Variants in DOCK3 observed in about 807,000 individuals in gnomAD.
The protein encoded by DOCK3 is dedicator of cytokinesis 3.
DOCK3 carries 60 observed loss-of-function variants against 265.6 expected under a neutral mutation model. The observed-to-expected ratio is 0.23, with a 90% CI of 0.18 to 0.28. DOCK3 has a LOEUF of 0.28. DOCK3 is among the 10% of genes least tolerant of loss of function. DOCK3 has a pLI of 1.00. For missense variants in DOCK3, 1,981 were observed against 2,594.3 expected, an observed-to-expected ratio of 0.76 and a Z score of 5.14; for synonymous variants, 881 against 938.0, an observed-to-expected ratio of 0.94 and a Z score of 1.11.
intron 2 of DOCK3, among the ~76,000 whole-genome samples, chr3:50,827,801 G>A (rs2044857011): frequency 6.6e-6 from 1 of 151,928 alleles, no homozygotes; most frequent in Non-Finnish European, 1.5e-5. Context: ...TTTTCTTTTT[G>A]TTCCTTAGTT....
At chr3:51,165,033 G>T (rs532464669) in intron 12 of DOCK3, among the ~76,000 whole-genome samples, 1 of 141,558 alleles carries the variant, frequency 7.1e-6, no homozygotes, top group South Asian at 2.4e-4. Flanking sequence ...CCGCCTCCCA[G>T]ATTCAAGCCA....
chr3:50,889,069 G>C (rs1183828692), intron 3 of DOCK3, among the ~76,000 whole-genome samples: 1 of 37,904 alleles, frequency 2.6e-5, no homozygotes, highest in East Asian at 4.0e-4. Flanking sequence ...AGCCATGGGT[G>C]TGTGTGTGTG....
At chr3:50,752,381 C>T (rs555920838) in intron 1 of DOCK3, among the ~76,000 whole-genome samples, 1 of 152,000 alleles carries the variant, frequency 6.6e-6, no homozygotes, top group African/African-American at 2.4e-5. Flanking sequence ...TGGTGGTGTG[C>T]ACCTGTAGTC....
chr3:50,982,705 C>T (rs2077737787), intron 5 of DOCK3, among the ~76,000 whole-genome samples: 1 of 152,192 alleles, frequency 6.6e-6, no homozygotes, highest in Non-Finnish European at 1.5e-5. Context: ...TCCACCAGAG[C>T]CCACTGCCCT....
At position 51,230,495 on chromosome 3, in the gene DOCK3, A is replaced by G. The variant is rs549324374; in HGVS notation, c.1917+886A>G. 9.8e-4 allele frequency among the ~76,000 whole-genome samples: 149 copies of G among 151,768 alleles called. 4 individuals are homozygous for G. The South Asian group carries it at 0.03, about 30-fold the overall frequency. On this transcript the variant is annotated intron_variant, in intron 19 of 52. Coordinates refer to ENST00000266037, the MANE Select transcript of DOCK3 (RefSeq NM_004947.5). ...GTATTCCATGGTGTACATGTACCAC[A>G]TTGTCTTTTTGTTGTTGTTGTTGTT... is the stretch of plus-strand genomic sequence containing the variant.
chr3:51,368,292 T>A (rs975821561), intron 49 of DOCK3, among the ~76,000 whole-genome samples: 1 of 151,796 alleles, frequency 6.6e-6, no homozygotes, highest in African/African-American at 2.4e-5. Flanking sequence ...GGTCGGGGAG[T>A]TACCTTTCCT....
intron 27 of DOCK3, among the ~76,000 whole-genome samples, chr3:51,306,281 G>T (rs1331815157): frequency 6.6e-6 from 1 of 152,080 alleles, no homozygotes; most frequent in Non-Finnish European, 1.5e-5. Flanking sequence ...TATATCTGAT[G>T]ATGTCACCTT....
intron 39 of DOCK3, among the ~76,000 whole-genome samples, chr3:51,349,594 G>A (rs1032304326): frequency 6.6e-6 from 1 of 152,170 alleles, no homozygotes; most frequent in Non-Finnish European, 1.5e-5. Flanking sequence ...TGGCAGGCTG[G>A]CTTGATTGAA....
chr3:51,028,006 G>C (rs1262357883), intron 5 of DOCK3, among the ~76,000 whole-genome samples: 1 of 152,092 alleles, frequency 6.6e-6, no homozygotes, highest in African/African-American at 2.4e-5. Flanking sequence ...TTGTAGGCTG[G>C]AATGGTAGTT....
intron 6 of DOCK3, among the ~76,000 whole-genome samples, chr3:51,068,607 G>T (rs1293558275): frequency 6.7e-6 from 1 of 148,460 alleles, no homozygotes; most frequent in African/African-American, 2.5e-5. Flanking sequence ...CAAGAGCTCT[G>T]TTTACCCATT....
At chr3:50,732,275 G>A (rs1282960755) in intron 1 of DOCK3, among the ~76,000 whole-genome samples, 6 of 152,134 alleles carry the variant, frequency 3.9e-5, no homozygotes, top group Non-Finnish European at 8.8e-5. Flanking sequence ...GCTGGGGCAG[G>A]GAGAGTATTA....
intron 3 of DOCK3, among the ~76,000 whole-genome samples, chr3:50,853,862 A>ATTT (rs138498095): frequency 1.3e-4 from 19 of 147,386 alleles, no homozygotes; most frequent in Non-Finnish European, 1.9e-4. Flanking sequence ...TGGTAGTTCT[A>ATTT]TTTTTTTTGT....
At chr3:50,859,361 G>A (rs2046789884) in intron 3 of DOCK3, among the ~76,000 whole-genome samples, 2 of 151,714 alleles carry the variant, frequency 1.3e-5, no homozygotes, top group Admixed American at 1.3e-4. Context: ...GGGACTACAG[G>A]CACATGCCAC....
chr3:50,742,707 A>G (rs1207547008), intron 1 of DOCK3, among the ~76,000 whole-genome samples: 1 of 152,204 alleles, frequency 6.6e-6, no homozygotes, highest in Non-Finnish European at 1.5e-5. Context: ...GAAAAGACCA[A>G]ATCTACGTCT....
intron 9 of DOCK3, among the ~76,000 whole-genome samples, chr3:51,101,263 G>A (rs1425249079): frequency 2.6e-5 from 4 of 152,096 alleles, no homozygotes; most frequent in Admixed American, 6.5e-5. Flanking sequence ...TGGGACTACA[G>A]GCGCCCGCCA....
intron 12 of DOCK3, among the ~76,000 whole-genome samples, chr3:51,205,663 G>A (rs377296077): frequency 2.0e-5 from 3 of 152,036 alleles, no homozygotes; most frequent in Non-Finnish European, 2.9e-5. Context: ...TGATTGTACC[G>A]CTACACTCCA....
At chr3:50,946,432 G>T (rs1032787149) in intron 5 of DOCK3, among the ~76,000 whole-genome samples, 1 of 152,078 alleles carries the variant, frequency 6.6e-6, no homozygotes, top group African/African-American at 2.4e-5. Context: ...ACTATGTAAG[G>T]CTATCTTTTG....
At chr3:51,201,372 A>T (rs549563453) in intron 12 of DOCK3, among the ~76,000 whole-genome samples, 80 of 152,250 alleles carry the variant, frequency 5.3e-4, no homozygotes, top group African/African-American at 1.8e-3. Flanking sequence ...AGGGGTTGCA[A>T]TCCTAGTCTC....
At chr3:50,750,911 C>T (rs1489534835) in intron 1 of DOCK3, among the ~76,000 whole-genome samples, 1 of 152,066 alleles carries the variant, frequency 6.6e-6, no homozygotes, top group Non-Finnish European at 1.5e-5. Context: ...CTTTGCAAAG[C>T]CAAACAAATT....
Sources: gnomAD v4.1 joint callset for allele counts (sites outside exome capture counted in the v4.1 genomes callset) on GRCh38, gnomAD v4.1.1 for gene constraint, MANE v1.5 for transcripts, NCBI Gene and HGNC (gene_info 2026-07-23, HGNC 2026-07-21) for gene names.